VPS50: variants seen among roughly 807,000 people sequenced by gnomAD.
VPS50 encodes the protein VPS50 subunit of EARP/GARPII complex, also known as syndetin.
VPS50 carries 70 observed loss-of-function variants against 139.7 expected under a neutral mutation model. The observed-to-expected ratio is 0.50, with a 90% CI of 0.41 to 0.61. The LOEUF (loss-of-function observed/expected upper bound fraction) is 0.61. Ranked by LOEUF, VPS50 falls within the 20% of genes least tolerant of loss-of-function variation. The pLI, the probability that VPS50 is intolerant of heterozygous loss-of-function variation, is 0.00. For missense variants in VPS50, 921 were observed against 1,133.7 expected (o/e 0.81, Z 2.69); for synonymous variants, 365 against 376.7 (o/e 0.97, Z 0.36).
intron 2 of VPS50, among the ~76,000 whole-genome samples, chr7:93,240,695 A>G (rs1033980452): frequency 6.6e-6 from 1 of 152,132 alleles, no homozygotes; most frequent in Non-Finnish European, 1.5e-5. Context: ...ACGTGAAAAT[A>G]CTGTTTGTTT....
At chr7:93,345,850 G>C (rs905932058) in intron 23 of VPS50, among the ~76,000 whole-genome samples, 5 of 152,152 alleles carry the variant, frequency 3.3e-5, no homozygotes, top group African/African-American at 4.8e-5. Flanking sequence ...AGCTATCTAT[G>C]ACAAACCCAC....
rs148835608 is a variant in VPS50, at chr7:93,272,665, T to C, written c.733T>C (p.Cys245Arg). The C allele has an allele frequency of 1.9e-6, 3 of 1,569,396 alleles. No individual in the cohort carries two copies. Among genetic ancestry groups the C allele is most frequent in the African/African-American group, 1.4e-5 (1 of 72,814 alleles). ...EQLDVALSKI[C>R]KNFDINHYTK... Reference sequence around the variant, plus strand: ...GCTGGACGTAGCTCTTTCCAAAATCTGCAAGAATTTTGACATTAACCATTA... The same window carrying C: ...GCTGGACGTAGCTCTTTCCAAAATCCGCAAGAATTTTGACATTAACCATTA... The change falls in exon 11 of 28, where the codon TGC becomes CGC. Residue 245 changes from cysteine to arginine, a missense_variant. By Grantham distance (180) the Cys-to-Arg change is radical (BLOSUM62 -3). This residue lies in a region of VPS50 where 744 missense variants were observed against 930.6 expected (regional missense o/e 0.80). Transcript: ENST00000305866.
chr7:93,286,965 A>G (rs1291696459), intron 12 of VPS50, among the ~76,000 whole-genome samples: 3 of 151,102 alleles, frequency 2.0e-5, no homozygotes, highest in Admixed American at 6.6e-5. Flanking sequence ...AGATTAACAT[A>G]GCTGGGCTTA....
intron 9 of VPS50, among the ~76,000 whole-genome samples, chr7:93,267,935 C>T (rs907400503): frequency 3.3e-5 from 5 of 152,080 alleles, no homozygotes; most frequent in East Asian, 1.9e-4. Context: ...GGGCTTTTCT[C>T]GTTAGTTTAA....
At chr7:93,344,078 G>C (rs1286087012) in intron 23 of VPS50, among the ~76,000 whole-genome samples, 4 of 152,092 alleles carry the variant, frequency 2.6e-5, no homozygotes, top group Non-Finnish European at 1.5e-5. Flanking sequence ...CTGTATTCAG[G>C]AAACCCATCT....
chr7:93,240,255 T>TA (rs1562844898), intron 2 of VPS50, among the ~76,000 whole-genome samples: 138 of 127,628 alleles, frequency 1.1e-3, no homozygotes, highest in African/African-American at 4.3e-3. Context: ...ACACACTCTC[T>TA]CTCTCTCTCT....
Position 93,349,871 on chromosome 7 carries a change from TCAGA to T in VPS50, c.2305_2308del (p.Thr769SerfsTer15). On this transcript the variant is annotated splice_acceptor_variant and splice_polypyrimidine_tract_variant and coding_sequence_variant and intron_variant, in exon 25 of 28. Coordinates refer to ENST00000305866, the MANE Select transcript of VPS50 (RefSeq NM_017667.4). LOFTEE classifies it high-confidence loss of function. ...TGTTTTCATTTTTGTGAAATTTATT[TCAGA>T]CAGTCTCAACCGCCAGTGAACTACG... 3 of 1,599,060 alleles carry T rather than the reference TCAGA, an allele frequency of 1.9e-6. No homozygotes were observed. The highest frequency in any genetic ancestry group is 2.6e-6 in the Non-Finnish European group (3 of 1,175,016).
chr7:93,353,501 A>G (rs1276365157), intron 25 of VPS50, 139 bp from the exon 26 acceptor site: 1 of 909,816 alleles, frequency 1.1e-6, no homozygotes, highest in Non-Finnish European at 1.7e-6. Context: ...AGTCCAAATT[A>G]TCTTTGGCAT....
At chr7:93,247,393 A>G (rs1358563125) in intron 2 of VPS50, among the ~76,000 whole-genome samples, 6 of 152,050 alleles carry the variant, frequency 3.9e-5, no homozygotes, top group African/African-American at 7.2e-5. Context: ...ACATTTTTCT[A>G]TCCTGCGGAA....
intron 25 of VPS50, among the ~76,000 whole-genome samples, chr7:93,350,546 T>C (rs1450081332): frequency 6.6e-6 from 1 of 152,154 alleles, no homozygotes; most frequent in Non-Finnish European, 1.5e-5. Context: ...TCACCTGATA[T>C]GTGTCACACG....
rs554437606 is a variant in VPS50 at position 93,324,461 on chromosome 7, C to T, written c.1977+729C>T. On this transcript the variant is annotated intron_variant, in intron 21 of 27. Coordinates refer to ENST00000305866, the MANE Select transcript of VPS50 (RefSeq NM_017667.4). Reference sequence around the variant, plus strand: ...GCTCTTATTATTTTGAGATACATCCCGTGAATACCTAATTTATTGAGAGTT... The same window carrying T: ...GCTCTTATTATTTTGAGATACATCCTGTGAATACCTAATTTATTGAGAGTT... 3.0e-4 allele frequency among the ~76,000 whole-genome samples: 45 copies of T among 152,226 alleles called. No individual in the cohort carries two copies. The South Asian group carries it at 3.5e-3, about 12-fold the overall frequency.
At chr7:93,266,699 A>C (rs930409402) in intron 9 of VPS50, among the ~76,000 whole-genome samples, 1 of 152,164 alleles carries the variant, frequency 6.6e-6, no homozygotes, top group African/African-American at 2.4e-5. Flanking sequence ...ATAATGTTGC[A>C]TTTATTTATC....
intron 2 of VPS50, chr7:93,246,134 G>A (rs747806278): frequency 4.0e-6 from 6 of 1,493,984 alleles, no homozygotes; most frequent in South Asian, 2.4e-5. Context: ...ACTTTGGTAA[G>A]ATTATAGCTT....
intron 24 of VPS50, 37 bp downstream of exon 24, chr7:93,348,844 G>A (rs1798477413): frequency 7.5e-7 from 1 of 1,336,172 alleles, no homozygotes; most frequent in African/African-American, 1.4e-5. Context: ...CAACTGTGAG[G>A]AAGATAGGAC....
rs71107889 is a variant in VPS50, at chr7:93,236,937, C to CTTTTTTTTT, written c.34-2905_34-2897dup. On this transcript the variant is annotated intron_variant, in intron 1 of 27. Coordinates refer to ENST00000305866, the MANE Select transcript of VPS50 (RefSeq NM_017667.4). Reference sequence around the variant, plus strand: ...CTCACATACATGACCTCTTTTACTTCTTTTTTTTTTTTTTTTTTTTTTTTT... The same window carrying CTTTTTTTTT: ...CTCACATACATGACCTCTTTTACTTCTTTTTTTTTTTTTTTTTTTTTTTTTTTTTTTTTT... 4.4e-3 allele frequency among the ~76,000 whole-genome samples: 137 copies of CTTTTTTTTT among 31,074 alleles called. 13 individuals carry two copies. Among genetic ancestry groups the CTTTTTTTTT allele is most frequent in the Non-Finnish European group, 5.4e-3 (101 of 18,582 alleles). The allele number at this position is 31,074 out of a possible 152,430, so 20.4% of individuals were successfully genotyped here.
intron 9 of VPS50, among the ~76,000 whole-genome samples, chr7:93,260,528 A>C (rs1248992198): frequency 6.6e-6 from 1 of 152,192 alleles, no homozygotes; most frequent in Non-Finnish European, 1.5e-5. Flanking sequence ...CATTAATATA[A>C]GTTTGAATTA....
chr7:93,348,590 G>T (rs1798469609), intron 23 of VPS50, 121 bp from the exon 24 acceptor site: 1 of 666,056 alleles, frequency 1.5e-6, no homozygotes, highest in Admixed American at 2.6e-5. Context: ...CCACTAAAGT[G>T]GAAAGTAATT....
chr7:93,341,328 C>T (rs1378829987), intron 22 of VPS50, 99 bp from the exon 23 acceptor site: 19 of 724,204 alleles, frequency 2.6e-5, no homozygotes, highest in Non-Finnish European at 1.6e-5. Context: ...TAACGTGTGC[C>T]CCAAGAGTAT....
chr7:93,233,984 A>G lies in VPS50; in HGVS notation c.33+1484A>G, dbSNP rs370212707. Among the ~76,000 whole-genome samples, 8 of 152,324 alleles carry G rather than the reference A, an allele frequency of 5.3e-5. No homozygotes were observed. The East Asian group carries it at 1.2e-3, about 22-fold the overall frequency. On this transcript the variant is annotated intron_variant, in intron 1 of 27. Coordinates refer to ENST00000305866, the MANE Select transcript of VPS50 (RefSeq NM_017667.4). ...ATGTTGATGGTGGGAAAGCAGGAAA[A>G]TTGGAAGCAGGCTGTTGCAGTAATT...
Sources: allele counts gnomAD v4.1 joint callset (sites outside exome capture counted in the v4.1 genomes callset), GRCh38; gene constraint gnomAD v4.1.1; regional missense constraint gnomAD v4.1.1; transcripts MANE v1.5; gene names NCBI Gene and HGNC (gene_info 2026-07-23, HGNC 2026-07-21).